ATP11B: variants seen among roughly 807,000 people sequenced by gnomAD.
ATP11B encodes phospholipid-transporting ATPase IF.
A neutral mutation model predicts 157.8 loss-of-function variants in ATP11B; 81 were observed. The observed-to-expected ratio is 0.51, with a 90% CI of 0.43 to 0.62. The LOEUF is 0.62. ATP11B is among the 20% of genes least tolerant of loss of function. The pLI, the probability that ATP11B is intolerant of heterozygous loss-of-function variation, is 0.00. For missense variants in ATP11B, 1,165 were observed against 1,402.2 expected (o/e 0.83, Z 2.70); for synonymous variants, 451 against 469.4 (o/e 0.96, Z 0.51).
chr3:182,824,448 T>A (rs1717585136), intron 2 of ATP11B, among the ~76,000 whole-genome samples: 1 of 152,198 alleles, frequency 6.6e-6, no homozygotes. Flanking sequence ...ATTTGCAATT[T>A]TTTGAAATTA....
intron 2 of ATP11B, among the ~76,000 whole-genome samples, chr3:182,820,951 T>C (rs922140579): frequency 6.6e-6 from 1 of 152,224 alleles, no homozygotes; most frequent in African/African-American, 2.4e-5. Context: ...CATTTAATCC[T>C]TACAACAACC....
chr3:182,868,947 A>G (rs1231826983), intron 15 of ATP11B, 131 bp from the exon 16 acceptor site: 1 of 588,250 alleles, frequency 1.7e-6, no homozygotes, highest in East Asian at 2.9e-5. Context: ...GTAACCTATC[A>G]TCATGAAAAT....
intron 2 of ATP11B, among the ~76,000 whole-genome samples, chr3:182,826,388 CAAATAG>C (rs1717724495): frequency 6.6e-6 from 1 of 152,180 alleles, no homozygotes; most frequent in Non-Finnish European, 1.5e-5. Flanking sequence ...TGTTACGTTT[CAAATAG>C]ATTGCTGTAA....
intron 4 of ATP11B, among the ~76,000 whole-genome samples, chr3:182,831,217 G>A (rs1386460744): frequency 1.3e-5 from 2 of 151,850 alleles, no homozygotes; most frequent in Non-Finnish European, 2.9e-5. Context: ...TTGTTATTCT[G>A]CAGTTTATTA....
chr3:182,920,669 G>A lies in ATP11B; in HGVS notation c.*2565G>A, dbSNP rs564426220. The A allele has an allele frequency of 3.9e-5, 6 of 152,368 alleles. No homozygotes were observed. The East Asian group carries it at 5.8e-4, about 15-fold the overall frequency. 9.4% of individuals were successfully genotyped at this position (152,368 alleles called of 1,614,324 possible). On this transcript the variant is annotated 3_prime_UTR_variant, in exon 30 of 30. Transcript: ENST00000323116. Reference sequence around the variant, plus strand: ...GCCTGAAGATAGTGGCAAGCACCAAGTCAGTTTCCAAAATTGCCCCTCAGC... The same window carrying A: ...GCCTGAAGATAGTGGCAAGCACCAAATCAGTTTCCAAAATTGCCCCTCAGC...
At chr3:182,916,833 G>A (rs983637271) in intron 29 of ATP11B, 101 of 984,268 alleles carry the variant, frequency 1.0e-4, no homozygotes, top group Middle Eastern at 1.0e-3. Flanking sequence ...ATCTGACTCC[G>A]GATAATTGGA....
At chr3:182,910,825 TGTG>T (rs1272026825) in intron 28 of ATP11B, among the ~76,000 whole-genome samples, 2 of 152,188 alleles carry the variant, frequency 1.3e-5, no homozygotes, top group South Asian at 2.1e-4. Context: ...TCCAAGTAAA[TGTG>T]GTGAAGGACC....
chr3:182,882,454 A>G (rs1017460150), intron 21 of ATP11B, among the ~76,000 whole-genome samples: 1 of 152,102 alleles, frequency 6.6e-6, no homozygotes, highest in Admixed American at 6.5e-5. Flanking sequence ...TCAAATAAGT[A>G]GGAAAACAAA....
chr3:182,829,810 T>G, intron 4 of ATP11B, 58 bp downstream of exon 4: 1 of 1,443,664 alleles, frequency 6.9e-7, no homozygotes, highest in Non-Finnish European at 9.4e-7. Context: ...TTGCTAAATA[T>G]TTCCACTCCA....
intron 2 of ATP11B, among the ~76,000 whole-genome samples, chr3:182,824,608 T>C (rs1717593718): frequency 6.6e-6 from 1 of 152,174 alleles, no homozygotes; most frequent in South Asian, 2.1e-4. Context: ...CTAGAAAGCT[T>C]TTGGGATTAA....
chr3:182,905,984 A>G (rs1041562412), intron 28 of ATP11B: 15 of 404,340 alleles, frequency 3.7e-5, no homozygotes, highest in South Asian at 1.4e-4. Flanking sequence ...GGGGCATGTC[A>G]TGGGACACCT....
intron 5 of ATP11B, 28 bp downstream of exon 5, chr3:182,836,170 A>AACT (rs746767962): frequency 6.3e-7 from 1 of 1,593,094 alleles, no homozygotes; most frequent in South Asian, 1.1e-5. Context: ...AATGGAAATC[A>AACT]ACTTTATCTT....
intron 29 of ATP11B, chr3:182,914,475 T>A (rs1725014211): frequency 1.0e-6 from 1 of 985,212 alleles, no homozygotes; most frequent in Admixed American, 6.2e-5. Flanking sequence ...GAGGTATTTA[T>A]AAACACAAAA....
chr3:182,872,238 A>G lies in ATP11B; in HGVS notation c.1867-118A>G, dbSNP rs1334417833. 18 of 682,952 alleles carry G rather than the reference A, an allele frequency of 2.6e-5. No homozygotes were observed. In the East Asian group the frequency reaches 4.1e-4, roughly 15 times the overall value. The allele number at this position is 682,952 out of a possible 1,614,324, so 42.3% of individuals were successfully genotyped here. The stretch of plus-strand genomic sequence containing the variant: ...GTCACTAGGTGATAGTACTTTTTAA[A>G]TGATTTGTGATTGACTTTTGGTACT... On this transcript the variant is annotated intron_variant, in intron 17 of 29. Coordinates refer to ENST00000323116, the MANE Select transcript of ATP11B (RefSeq NM_014616.3).
At chr3:182,867,783 C>G (rs1244990973) in intron 15 of ATP11B, among the ~76,000 whole-genome samples, 2 of 151,976 alleles carry the variant, frequency 1.3e-5, no homozygotes, top group Non-Finnish European at 1.5e-5. Context: ...GTTGACCAGG[C>G]TGGTCTGAAA....
At chr3:182,846,897 C>T (rs1173478422) in intron 9 of ATP11B, among the ~76,000 whole-genome samples, 2 of 152,138 alleles carry the variant, frequency 1.3e-5, no homozygotes, top group South Asian at 2.1e-4. Context: ...AAATTATAAA[C>T]GTACTAAGTG....
intron 19 of ATP11B, among the ~76,000 whole-genome samples, chr3:182,876,859 ACTTT>A (rs1253915034): frequency 1.3e-5 from 2 of 152,198 alleles, no homozygotes; most frequent in African/African-American, 4.8e-5. Context: ...AAACCATAGC[ACTTT>A]CTATGTGAAA....
In ATP11B at chr3:182,873,795, G is replaced by C; in HGVS notation, c.2049-17G>C. 4 of 1,603,594 alleles carry C rather than the reference G, an allele frequency of 2.5e-6. No individual in the cohort carries two copies. Among genetic ancestry groups the C allele is most frequent in the Non-Finnish European group, 3.4e-6 (4 of 1,170,858 alleles). On this transcript the variant is annotated splice_polypyrimidine_tract_variant and intron_variant, in intron 18 of 29. Transcript: ENST00000323116. ...TAAAAGTATTCTCTACTACTAATTTGTTTCTGTTCTTTTCAGACTACAAGA... is the reference window on the plus strand; with the variant it reads ...TAAAAGTATTCTCTACTACTAATTTCTTTCTGTTCTTTTCAGACTACAAGA...
chr3:182,800,150 T>G (rs1412833931), intron 1 of ATP11B, among the ~76,000 whole-genome samples: 1 of 151,934 alleles, frequency 6.6e-6, no homozygotes, highest in African/African-American at 2.4e-5. Context: ...ACAAAAACAT[T>G]CTTGATTGGA....
Sources: allele counts gnomAD v4.1 joint callset (sites outside exome capture counted in the v4.1 genomes callset), GRCh38; gene constraint gnomAD v4.1.1; transcripts MANE v1.5; gene names NCBI Gene and HGNC (gene_info 2026-07-23, HGNC 2026-07-21).